The following SPARC variants were observed in gnomAD, a reference collection of about 807,000 sequenced individuals.
SPARC encodes basement-membrane protein 40.
A neutral mutation model predicts 37.7 loss-of-function variants in SPARC; 23 were observed. The observed-to-expected ratio is 0.61, with a 90% confidence interval of 0.44 to 0.87. SPARC has a LOEUF of 0.87. Ranked by LOEUF, SPARC falls within the 40% of genes least tolerant of loss-of-function variation. The pLI is 0.00. For synonymous variants in SPARC, 155 were observed against 150.8 expected, an observed-to-expected ratio of 1.03 and a Z score of -0.20; for missense variants, 312 against 389.0, an observed-to-expected ratio of 0.80 and a Z score of 1.66.
At position 151,664,238 on chromosome 5, in the gene SPARC, G is replaced by A. The variant is rs1450483515; in HGVS notation, c.735-3C>T. 1 of 1,613,314 alleles carries A rather than the reference G, an allele frequency of 6.2e-7. No homozygotes were observed. Among genetic ancestry groups the A allele is most frequent in the Non-Finnish European group, 8.5e-7 (1 of 1,179,792 alleles). On this transcript the variant is annotated splice_region_variant and splice_polypyrimidine_tract_variant and intron_variant, in intron 8 of 9. Coordinates refer to ENST00000231061, the MANE Select transcript of SPARC (RefSeq NM_003118.4). ...CCAGCTCGGTGTGGGAGAGGTACCT[G>A]CAGGGAAGGAGGCAGGGGAGGGCCT...
chr5:151,679,456 A>G (rs1760935826), intron 1 of SPARC: 1 of 152,254 alleles, frequency 6.6e-6, no homozygotes, highest in African/African-American at 2.4e-5. Context: ...CCAGGTGGTC[A>G]CCTGAATGGG....
At chr5:151,679,154 T>G (rs1254004824) in intron 1 of SPARC, 1 of 152,186 alleles carries the variant, frequency 6.6e-6, no homozygotes. Context: ...ATGACCAATA[T>G]TAAACAAAAA....
intron 3 of SPARC, 140 bp from the exon 4 acceptor site, chr5:151,673,356 T>G: frequency 2.9e-6 from 2 of 692,018 alleles, no homozygotes. Flanking sequence ...TGCTGTGTTT[T>G]GCAGTATGCC....
chr5:151,663,288 T>C lies in SPARC; in HGVS notation c.*283A>G. ...TTTAAGGCAGAGCCCAGCAGATCCGTGTCCACCCATGTGCCAATAAGACAA... is the reference window on the plus strand; with the variant it reads ...TTTAAGGCAGAGCCCAGCAGATCCGCGTCCACCCATGTGCCAATAAGACAA... On this transcript the variant is annotated 3_prime_UTR_variant, in exon 10 of 10. Coordinates refer to ENST00000231061, the MANE Select transcript of SPARC (RefSeq NM_003118.4). 1 of 452,140 alleles carries C rather than the reference T, an allele frequency of 2.2e-6. No individual in the cohort carries two copies. The highest frequency in any genetic ancestry group is 4.0e-6 in the Non-Finnish European group (1 of 252,456). 28.0% of individuals were successfully genotyped at this position (452,140 alleles called of 1,614,324 possible).
intron 1 of SPARC, chr5:151,686,278 T>C (rs1264406471): frequency 6.6e-6 from 1 of 152,204 alleles, no homozygotes; most frequent in Non-Finnish European, 1.5e-5. Flanking sequence ...ATTTGTGTAT[T>C]GGGGGGACGG....
chr5:151,672,435 C>A (rs571205239), intron 4 of SPARC, among the ~76,000 whole-genome samples: 1 of 152,288 alleles, frequency 6.6e-6, no homozygotes, highest in Admixed American at 6.5e-5. Flanking sequence ...GGTCTGCCAT[C>A]TTCATCAGCC....
intron 6 of SPARC, among the ~76,000 whole-genome samples, chr5:151,668,302 G>C (rs1760675228): frequency 6.6e-6 from 1 of 151,890 alleles, no homozygotes; most frequent in African/African-American, 2.4e-5. Flanking sequence ...ACAGGCACAT[G>C]CCACCATACC....
intron 1 of SPARC, among the ~76,000 whole-genome samples, chr5:151,680,206 T>A (rs889015915): frequency 7.4e-6 from 1 of 135,508 alleles, no homozygotes; most frequent in African/African-American, 2.8e-5. Flanking sequence ...TAGAGAATAG[T>A]GGAAAACATC....
intron 1 of SPARC, among the ~76,000 whole-genome samples, chr5:151,678,750 C>T (rs55957521): frequency 0.07 from 10,617 of 152,220 alleles, 556 homozygotes; most frequent in South Asian, 0.15. Context: ...AAGAACAGAA[C>T]GCAAAATCTT....
At chr5:151,668,404 C>A (rs544625420) in intron 6 of SPARC, among the ~76,000 whole-genome samples, 9 of 152,178 alleles carry the variant, frequency 5.9e-5, no homozygotes, top group African/African-American at 1.9e-4. Context: ...CCTCCCTACT[C>A]GGCCTCCCAA....
In SPARC at chr5:151,674,607, C is replaced by T. The variant is rs199932910; in HGVS notation, c.120+5G>A. 493 of 1,613,956 alleles carry T rather than the reference C, an allele frequency of 3.1e-4. No individual in the cohort carries two copies. In the African/African-American group the frequency reaches 5.8e-3, roughly 19 times the overall value. ...GCTAAGGGGCTGCGGTCACTGCCCA[C>T]ATACCTCAGTCACCTCTGCCACAGT... is the stretch of plus-strand genomic sequence containing the variant. On this transcript the variant is annotated splice_donor_5th_base_variant and intron_variant, in intron 3 of 9. Coordinates refer to ENST00000231061, the MANE Select transcript of SPARC (RefSeq NM_003118.4).
intron 6 of SPARC, 192 bp from the exon 7 acceptor site, chr5:151,667,792 A>G (rs1044740841): frequency 1.4e-5 from 9 of 646,690 alleles, no homozygotes; most frequent in African/African-American, 1.3e-4. Flanking sequence ...CTAGAAATGC[A>G]TTGTGCAAAG....
At chr5:151,664,957 T>A (rs1760590179) in intron 8 of SPARC, among the ~76,000 whole-genome samples, 1 of 152,054 alleles carries the variant, frequency 6.6e-6, no homozygotes, top group African/African-American at 2.4e-5. Context: ...CAACTACTTG[T>A]CCCTAAAGAT....
In SPARC at chr5:151,667,681, A is replaced by G. The variant is rs1760660320; in HGVS notation, c.452-81T>C. The G allele has an allele frequency of 1.2e-5, 18 of 1,513,746 alleles. No individual in the cohort carries two copies. The South Asian group carries it at 2.1e-4, about 18-fold the overall frequency. The allele number at this position is 1,513,746 out of a possible 1,614,324, so 93.8% of individuals were successfully genotyped here. ...ACCCCAGGCCCCCACCCACCCACATACCACCTGCATTGGTGGCCTTGGCAC... is the reference window on the plus strand; with the variant it reads ...ACCCCAGGCCCCCACCCACCCACATGCCACCTGCATTGGTGGCCTTGGCAC... On this transcript the variant is annotated intron_variant, in intron 6 of 9. Transcript: ENST00000231061.
At chr5:151,668,877 AC>A (rs1281538210) in intron 6 of SPARC, among the ~76,000 whole-genome samples, 2 of 151,798 alleles carry the variant, frequency 1.3e-5, no homozygotes, top group African/African-American at 4.8e-5. Flanking sequence ...CCCCCTACAT[AC>A]TTTTCTGCAC....
At position 151,669,782 on chromosome 5, in the gene SPARC, C is replaced by T; in HGVS notation, c.333G>A (p.Val111=). 1 of 1,614,156 alleles carries T rather than the reference C, an allele frequency of 6.2e-7. No homozygotes were observed. Among genetic ancestry groups the T allele is most frequent in the Non-Finnish European group, 8.5e-7 (1 of 1,180,010 alleles). The change falls in exon 6 of 10, where the codon GTG becomes GTA. Residue 111 remains valine, a splice_region_variant and synonymous_variant. Coordinates refer to ENST00000231061, the MANE Select transcript of SPARC (RefSeq NM_003118.4). The part of the protein sequence containing the change: ...CPAPIGEFEK[V]CSNDNKTFDS... ...CGAAGGTCTTGTTGTCATTGCTGCA[C>T]ACCTGTTGGCAAAGCACAGAGTACC...
In SPARC at chr5:151,666,529, G is replaced by A; in HGVS notation, c.586-20C>T. On this transcript the variant is annotated intron_variant, in intron 7 of 9. Coordinates refer to ENST00000231061, the MANE Select transcript of SPARC (RefSeq NM_003118.4). Reference sequence around the variant, plus strand: ...CTTCACCTGAGGGAGTAGAGACTGTGTGTGACAAGAGGTCCATGGAGATTG... The same window carrying A: ...CTTCACCTGAGGGAGTAGAGACTGTATGTGACAAGAGGTCCATGGAGATTG... 6.2e-7 allele frequency: 1 copy of A among 1,611,344 alleles called. No individual in the cohort carries two copies. The highest frequency in any genetic ancestry group is 8.5e-7 in the Non-Finnish European group (1 of 1,178,486).
At chr5:151,670,461 GA>G (rs1162026865) in intron 5 of SPARC, among the ~76,000 whole-genome samples, 2 of 152,242 alleles carry the variant, frequency 1.3e-5, no homozygotes, top group African/African-American at 2.4e-5. Flanking sequence ...GCTGGGGTAA[GA>G]ATGCACTCTG....
At chr5:151,671,836 C>T (rs368642606) in intron 4 of SPARC, 142 bp from the exon 5 acceptor site, 38 of 1,024,682 alleles carry the variant, frequency 3.7e-5, no homozygotes, top group South Asian at 3.6e-4. Context: ...CCTGCCTGCT[C>T]TTGCACTGAG....
Sources: gnomAD v4.1 joint callset for allele counts (sites outside exome capture counted in the v4.1 genomes callset) on GRCh38, gnomAD v4.1.1 for gene constraint, MANE v1.5 for transcripts, NCBI Gene and HGNC (gene_info 2026-07-23, HGNC 2026-07-21) for gene names.